The following COL4A1 variants were observed in gnomAD, a reference collection of about 807,000 sequenced individuals.
COL4A1 encodes the protein collagen alpha-1(IV) chain.
A neutral mutation model predicts 216.6 loss-of-function variants in COL4A1; 40 were observed. The observed-to-expected ratio is 0.18, with a 90% CI of 0.14 to 0.24. COL4A1 has a LOEUF of 0.24. COL4A1 is among the 10% of genes least tolerant of loss of function. COL4A1 has a pLI of 1.00. For missense variants in COL4A1, 1,628 were observed against 2,196.8 expected, an observed-to-expected ratio of 0.74 and a Z score of 5.18; for synonymous variants, 839 against 810.7, an observed-to-expected ratio of 1.03 and a Z score of -0.59.
At chr13:110,190,263 G>A (rs953791765) in intron 24 of COL4A1, among the ~76,000 whole-genome samples, 15 of 152,032 alleles carry the variant, frequency 9.9e-5, no homozygotes, top group Admixed American at 5.2e-4. Context: ...CTTTTGATCC[G>A]TCTCCCTGAA....
At chr13:110,241,410 C>T (rs191081444) in intron 2 of COL4A1, among the ~76,000 whole-genome samples, 193 of 152,188 alleles carry the variant, frequency 1.3e-3, no homozygotes, top group Non-Finnish European at 2.1e-3. Flanking sequence ...TTGTTGGGAC[C>T]CCAAAGTTCT....
chr13:110,207,064 C>A lies in COL4A1; in HGVS notation c.781-173G>T, dbSNP rs1879554152. ...TTGACTGGTATAAATGTAAGCAGGG[C>A]AGGGTTTATCATGCTTGACCCATGA... On this transcript the variant is annotated intron_variant, in intron 13 of 51. Coordinates refer to ENST00000375820, the MANE Select transcript of COL4A1 (RefSeq NM_001845.6). The surrounding 1 kb of genome is among the most constrained non-coding windows in gnomAD (Gnocchi z 4.4). Among the ~76,000 whole-genome samples the A allele has an allele frequency of 6.6e-6, 1 of 152,110 alleles. No homozygotes were observed. The highest frequency in any genetic ancestry group is 1.5e-5 in the Non-Finnish European group (1 of 68,018).
Position 110,210,158 on chromosome 13 carries a change from T to C in COL4A1, c.523A>G (p.Arg175Gly). ...GTCCCTGGGATTCCGGGAAATCCTC[T>C]TTCACCTTTCAACAGCATCCCGGGC... Reference protein sequence around the residue: ...HVPGMLLKGERGFPGIPGTPG... With the variant: ...HVPGMLLKGEGGFPGIPGTPG... Residue 175 changes from arginine to glycine, a missense_variant, in exon 9 of 52, where the codon AGA becomes GGA. Arg to Gly is a moderately radical substitution (Grantham distance 125). Transcript: ENST00000375820. 1 of 1,614,070 alleles carries C rather than the reference T, an allele frequency of 6.2e-7. No homozygotes were observed. Among genetic ancestry groups the C allele is most frequent in the African/African-American group, 1.3e-5 (1 of 75,040 alleles).
chr13:110,174,539 A>C lies in COL4A1; in HGVS notation c.3326-13T>G, dbSNP rs761479036. On this transcript the variant is annotated splice_polypyrimidine_tract_variant and intron_variant, in intron 38 of 51. Transcript: ENST00000375820. ...AGCCCAGGACTTCCTAAAGAAAAAAACAAAACACCAGAACATCCATAAGTT... is the reference window on the plus strand; with the variant it reads ...AGCCCAGGACTTCCTAAAGAAAAAACCAAAACACCAGAACATCCATAAGTT... 5.0e-6 allele frequency: 8 copies of C among 1,614,012 alleles called. No individual in the cohort carries two copies. The East Asian group carries it at 1.3e-4, about 27-fold the overall frequency.
intron 25 of COL4A1, 32 bp from the exon 26 acceptor site, chr13:110,186,585 T>C (rs373008396): frequency 1.2e-6 from 2 of 1,612,848 alleles, no homozygotes; most frequent in South Asian, 1.1e-5. Context: ...GACACCGTTA[T>C]CAGAGACACA....
chr13:110,240,948 C>T (rs936556647), intron 2 of COL4A1, among the ~76,000 whole-genome samples: 2 of 152,218 alleles, frequency 1.3e-5, no homozygotes, highest in South Asian at 2.1e-4. Context: ...TGGCTCACTG[C>T]AACCTCCGCC....
At chr13:110,286,587 A>G (rs898034125) in intron 1 of COL4A1, among the ~76,000 whole-genome samples, 5 of 152,208 alleles carry the variant, frequency 3.3e-5, no homozygotes, top group Non-Finnish European at 5.9e-5. Flanking sequence ...GGAGCCGCCT[A>G]TAGGGACAGA....
intron 47 of COL4A1, 109 bp downstream of exon 47, chr13:110,163,354 T>A: frequency 1.1e-6 from 1 of 884,332 alleles, no homozygotes; most frequent in East Asian, 2.6e-5. Context: ...CGGAAATCTG[T>A]CAAGTGATAT....
At chr13:110,228,634 C>T (rs1275952199) in intron 2 of COL4A1, among the ~76,000 whole-genome samples, 2 of 152,204 alleles carry the variant, frequency 1.3e-5, no homozygotes, top group Non-Finnish European at 1.5e-5. Context: ...GAAACGGATG[C>T]TTATACCAAC....
chr13:110,279,671 GTGT>G (rs1454358834), intron 1 of COL4A1, among the ~76,000 whole-genome samples: 2 of 152,312 alleles, frequency 1.3e-5, no homozygotes, highest in East Asian at 3.9e-4. Context: ...CCACACAGAA[GTGT>G]TTAACAGGAT....
intron 1 of COL4A1, among the ~76,000 whole-genome samples, chr13:110,278,614 G>A (rs1883510998): frequency 6.6e-6 from 1 of 151,962 alleles, no homozygotes; most frequent in African/African-American, 2.4e-5. Context: ...TTTTTAAAAA[G>A]GCTTTCCTCC....
rs1054555748 is a variant in COL4A1 at position 110,207,039 on chromosome 13, TTGAC to T, written c.781-152_781-149del. 39 of 874,744 alleles carry T rather than the reference TTGAC, an allele frequency of 4.5e-5. No individual in the cohort carries two copies. The African/African-American group carries it at 6.6e-4, about 15-fold the overall frequency. The allele number at this position is 874,744 out of a possible 1,614,324, so 54.2% of individuals were successfully genotyped here. On this transcript the variant is annotated intron_variant, in intron 13 of 51. Coordinates refer to ENST00000375820, the MANE Select transcript of COL4A1 (RefSeq NM_001845.6). The surrounding 1 kb of genome is among the most constrained non-coding windows in gnomAD (Gnocchi z 4.4). ...GTTGATCTCCAGCACTCACTTGACA[TTGAC>T]TGGTATAAATGTAAGCAGGGCAGGG...
chr13:110,289,065 T>A (rs757472319), intron 1 of COL4A1, among the ~76,000 whole-genome samples: 1 of 152,070 alleles, frequency 6.6e-6, no homozygotes, highest in Non-Finnish European at 1.5e-5. Context: ...GTCACAGGCC[T>A]AGCCCTTCAG....
At chr13:110,301,551 G>C (rs1416849551) in intron 1 of COL4A1, among the ~76,000 whole-genome samples, 1 of 152,174 alleles carries the variant, frequency 6.6e-6, no homozygotes, top group Non-Finnish European at 1.5e-5. Context: ...CTACTGAATG[G>C]CAGAGCAAGA....
chr13:110,178,132 A>G lies in COL4A1; in HGVS notation c.2558T>C (p.Ile853Thr). ...GCCAGGGAGCCCCGACTGTCCCGTTATGCCAGGGAGTCCTTGAGCCCCTTT... is the reference window on the plus strand; with the variant it reads ...GCCAGGGAGCCCCGACTGTCCCGTTGTGCCAGGGAGTCCTTGAGCCCCTTT... ...GDKGAQGLPGITGQSGLPGLP... is the reference protein window; with the variant it reads ...GDKGAQGLPGTTGQSGLPGLP... The change falls in exon 32 of 52, where the codon ATA (isoleucine) becomes ACA (threonine). Residue 853 changes from isoleucine to threonine, a missense_variant. Around this residue, in one of 8 missense-constraint regions of COL4A1, gnomAD observed 701 missense variants for 892.5 expected, o/e 0.79. Transcript: ENST00000375820. 1.2e-6 allele frequency: 2 copies of G among 1,614,174 alleles called. No homozygotes were observed. The highest frequency in any genetic ancestry group is 1.7e-6 in the Non-Finnish European group (2 of 1,180,024).
intron 1 of COL4A1, among the ~76,000 whole-genome samples, chr13:110,297,653 C>G (rs1305973230): frequency 6.6e-6 from 1 of 152,094 alleles, no homozygotes; most frequent in Admixed American, 6.6e-5. Context: ...AGATTTGGAG[C>G]CAGAAGAGAA....
At chr13:110,273,080 C>T (rs1474831921) in intron 1 of COL4A1, among the ~76,000 whole-genome samples, 1 of 152,194 alleles carries the variant, frequency 6.6e-6, no homozygotes, top group Non-Finnish European at 1.5e-5. Flanking sequence ...AGTTTTTAGA[C>T]AGTAAATGGC....
chr13:110,159,900 G>T (rs913922034), intron 49 of COL4A1, among the ~76,000 whole-genome samples: 1 of 149,796 alleles, frequency 6.7e-6, no homozygotes, highest in African/African-American at 2.5e-5. Context: ...GTCTACGGGG[G>T]TCAAATTCAC....
At chr13:110,215,972 A>G (rs1269389079) in intron 2 of COL4A1, among the ~76,000 whole-genome samples, 6 of 152,204 alleles carry the variant, frequency 3.9e-5, no homozygotes, top group South Asian at 2.1e-4. Flanking sequence ...CGTTGAAAGG[A>G]TATGTCAGGA....
Sources: allele counts gnomAD v4.1 joint callset (sites outside exome capture counted in the v4.1 genomes callset), GRCh38; gene constraint gnomAD v4.1.1; regional missense constraint gnomAD v4.1.1; non-coding constraint Gnocchi (gnomAD v3.1); transcripts MANE v1.5; gene names NCBI Gene and HGNC (gene_info 2026-07-23, HGNC 2026-07-21).